The following NIM1K variants were observed in gnomAD, a reference collection of about 807,000 sequenced individuals.
NIM1K encodes serine/threonine-protein kinase NIM1.
In NIM1K, 35 loss-of-function variants were observed where a neutral mutation model predicts 37.1. That is an observed-to-expected ratio of 0.94 (90% confidence interval 0.72 to 1.25). NIM1K has a LOEUF of 1.25. NIM1K is among the 50% of genes most tolerant of loss of function. The pLI is 0.00. For synonymous variants in NIM1K, 234 were observed against 206.6 expected, an observed-to-expected ratio of 1.13 and a Z score of -1.14; for missense variants, 564 against 548.0, an observed-to-expected ratio of 1.03 and a Z score of -0.29.
In NIM1K at chr5:43,257,111, C is replaced by G. The variant is rs76998720; in HGVS notation, c.292+11044C>G. On this transcript the variant is annotated intron_variant, in intron 2 of 3. Transcript: ENST00000326035. ...GGAGGCTAGGGAGGTGAAAAGGAGG[C>G]TAGGGAGATGAACACAGCTAAGGAG... Among the ~76,000 whole-genome samples the G allele has an allele frequency of 6.4e-3, 970 of 151,926 alleles. 60 individuals carry two copies. The East Asian group carries it at 0.13, about 21-fold the overall frequency.
intron 1 of NIM1K, among the ~76,000 whole-genome samples, chr5:43,239,440 A>G (rs1379074580): frequency 6.6e-6 from 1 of 151,900 alleles, no homozygotes; most frequent in Non-Finnish European, 1.5e-5. Context: ...GGGTTTCACT[A>G]TGTTGGCCAG....
intron 3 of NIM1K, among the ~76,000 whole-genome samples, chr5:43,278,054 T>C (rs531581382): frequency 2.0e-5 from 3 of 150,616 alleles, no homozygotes; most frequent in Admixed American, 1.3e-4. Context: ...CTGTTTCTTT[T>C]TTTTTTTTTT....
chr5:43,225,247 G>T (rs1752437337), intron 1 of NIM1K, among the ~76,000 whole-genome samples: 1 of 74,868 alleles, frequency 1.3e-5, no homozygotes, highest in East Asian at 4.7e-4. Context: ...GCAACAGAAA[G>T]AGACCCTCTT....
Position 43,209,880 on chromosome 5 carries a change from G to T in NIM1K, c.-695+17469G>T, listed in dbSNP as rs1004413382. Among the ~76,000 whole-genome samples the T allele has an allele frequency of 2.0e-5, 3 of 152,214 alleles. No individual in the cohort carries two copies. In the South Asian group the frequency reaches 6.2e-4, roughly 32 times the overall value. On this transcript the variant is annotated intron_variant, in intron 1 of 3. Transcript: ENST00000326035. ...TCCATCCACCTGGGCCTCCCAAAGT[G>T]CTGGGATTACAGGCATAAGTCACCA...
chr5:43,201,100 G>C (rs1014549111), intron 1 of NIM1K, among the ~76,000 whole-genome samples: 3 of 150,396 alleles, frequency 2.0e-5, no homozygotes, highest in African/African-American at 7.4e-5. Flanking sequence ...ACTCCAGCCT[G>C]GGCAACAGAG....
intron 1 of NIM1K, among the ~76,000 whole-genome samples, chr5:43,206,035 T>C (rs1486014403): frequency 2.0e-5 from 3 of 152,098 alleles, no homozygotes; most frequent in African/African-American, 7.2e-5. Flanking sequence ...TACTACTATT[T>C]ATTTGGTGCC....
chr5:43,209,915 C>T (rs1454665751), intron 1 of NIM1K, among the ~76,000 whole-genome samples: 5 of 152,122 alleles, frequency 3.3e-5, no homozygotes, highest in Non-Finnish European at 7.3e-5. Context: ...ACACCCGGCC[C>T]CGTGCTACCT....
intron 2 of NIM1K, among the ~76,000 whole-genome samples, chr5:43,274,067 C>T (rs948231605): frequency 4.6e-5 from 7 of 152,092 alleles, no homozygotes; most frequent in Non-Finnish European, 1.0e-4. Context: ...TATGATCATA[C>T]ATTTATATTA....
intron 1 of NIM1K, chr5:43,192,754 CTGTA>C (rs1283253077): frequency 6.6e-6 from 1 of 152,306 alleles, no homozygotes; most frequent in Non-Finnish European, 1.5e-5. Context: ...ACCCATGTCT[CTGTA>C]TGGTGTGGAC....
chr5:43,270,917 A>G (rs1327440167), intron 2 of NIM1K, among the ~76,000 whole-genome samples: 1 of 152,162 alleles, frequency 6.6e-6, no homozygotes, highest in African/African-American at 2.4e-5. Flanking sequence ...CTAACACCCA[A>G]ACACCAAGTG....
rs893517942 is a variant in NIM1K, at chr5:43,239,166, T to C, written c.-694-5916T>C. 9.2e-5 allele frequency among the ~76,000 whole-genome samples: 14 copies of C among 151,968 alleles called. 1 individual carries two copies. The highest frequency in any genetic ancestry group is 3.4e-4 in the African/African-American group (14 of 41,240). On this transcript the variant is annotated intron_variant, in intron 1 of 3. Transcript: ENST00000326035. ...TGTCTGCAAAGTTGCTTATCACTAA[T>C]TTTCTTGCCATCTCTCCATCTCCCC...
intron 1 of NIM1K, among the ~76,000 whole-genome samples, chr5:43,198,185 T>C (rs1340276070): frequency 3.5e-5 from 2 of 57,624 alleles, no homozygotes; most frequent in African/African-American, 6.8e-5. Context: ...CTTTCTTTCT[T>C]TCTTTCTTTC....
chr5:43,200,283 A>G (rs1751998083), intron 1 of NIM1K, among the ~76,000 whole-genome samples: 1 of 151,982 alleles, frequency 6.6e-6, no homozygotes, highest in South Asian at 2.1e-4. Context: ...GTAGGCTCTC[A>G]TTAAGTAGTA....
At chr5:43,244,895 T>G (rs1258080640) in intron 1 of NIM1K, among the ~76,000 whole-genome samples, 187 bp from the exon 2 acceptor site, 1 of 152,152 alleles carries the variant, frequency 6.6e-6, no homozygotes, top group Non-Finnish European at 1.5e-5. Context: ...AAATGTAGGT[T>G]GAGAGGTGTG....
intron 1 of NIM1K, among the ~76,000 whole-genome samples, chr5:43,214,258 C>T (rs772761885): frequency 2.0e-4 from 31 of 152,104 alleles, no homozygotes; most frequent in Non-Finnish European, 3.8e-4. Context: ...ATATTTTTAG[C>T]CCTTAAACCA....
Position 43,213,230 on chromosome 5 carries a change from T to TTG in NIM1K, c.-695+20820_-695+20821insGT, listed in dbSNP as rs1304959533. Among the ~76,000 whole-genome samples, 9 of 141,824 alleles carry TTG rather than the reference T, an allele frequency of 6.3e-5. 1 individual carries two copies. Among genetic ancestry groups the TTG allele is most frequent in the African/African-American group, 2.1e-4 (8 of 37,928 alleles). The allele number at this position is 141,824 out of a possible 152,430, so 93.0% of individuals were successfully genotyped here. On this transcript the variant is annotated intron_variant, in intron 1 of 3. Transcript: ENST00000326035. ...CTTTCTTTCTTTCTTTCTTTCCTTC[T>TTG]TTTCTTCCTTTCTTTCTTTCTTGTT...
intron 1 of NIM1K, among the ~76,000 whole-genome samples, chr5:43,243,701 G>A (rs1752737348): frequency 6.6e-6 from 1 of 151,932 alleles, no homozygotes; most frequent in East Asian, 1.9e-4. Context: ...TTTGAGACAG[G>A]GTCCGGCATT....
chr5:43,247,393 G>A (rs913403197), intron 2 of NIM1K, among the ~76,000 whole-genome samples: 3 of 152,194 alleles, frequency 2.0e-5, no homozygotes, highest in Non-Finnish European at 2.9e-5. Flanking sequence ...TTAGTTAGTT[G>A]CTTAATAAGC....
At chr5:43,268,400 G>A (rs1368870555) in intron 2 of NIM1K, among the ~76,000 whole-genome samples, 1 of 152,054 alleles carries the variant, frequency 6.6e-6, no homozygotes, top group Non-Finnish European at 1.5e-5. Flanking sequence ...AAGGGATTGG[G>A]CTGACCAGAC....
Sources: gnomAD v4.1 joint callset for allele counts (sites outside exome capture counted in the v4.1 genomes callset) on GRCh38, gnomAD v4.1.1 for gene constraint, MANE v1.5 for transcripts, NCBI Gene and HGNC (gene_info 2026-07-23, HGNC 2026-07-21) for gene names.